The following RSU1 variants were observed in gnomAD, a reference collection of about 807,000 sequenced individuals.
RSU1 encodes the protein Ras suppressor protein 1.
A neutral mutation model predicts 31.1 loss-of-function variants in RSU1; 26 were observed. That is an observed-to-expected ratio of 0.84 (90% confidence interval 0.61 to 1.16). RSU1 has a LOEUF of 1.16. RSU1 is among the 50% of genes most tolerant of loss of function. RSU1 has a pLI of 0.00. For synonymous variants in RSU1, 164 were observed against 136.3 expected (o/e 1.20, Z -1.41); for missense variants, 320 against 339.1 (o/e 0.94, Z 0.44).
At chr10:16,750,248 T>G (rs1836948294) in intron 7 of RSU1, among the ~76,000 whole-genome samples, 1 of 152,222 alleles carries the variant, frequency 6.6e-6, no homozygotes, top group African/African-American at 2.4e-5. Context: ...ATCTTGAGTT[T>G]TGCTTGTGAC....
intron 2 of RSU1, among the ~76,000 whole-genome samples, chr10:16,814,666 T>C (rs1370765732): frequency 6.6e-6 from 1 of 152,074 alleles, no homozygotes; most frequent in Non-Finnish European, 1.5e-5. Context: ...CTTGGCTCAA[T>C]GCTACAGAAG....
chr10:16,658,845 C>A (rs563799867), intron 8 of RSU1, among the ~76,000 whole-genome samples: 8 of 152,280 alleles, frequency 5.3e-5, no homozygotes, highest in African/African-American at 1.9e-4. Context: ...TACATGTCTG[C>A]CTTGGTCTTT....
rs775061051 is a variant in RSU1, at chr10:16,752,635, C to G, written c.502G>C (p.Asp168His). 3 of 1,613,686 alleles carry G rather than the reference C, an allele frequency of 1.9e-6. No homozygotes were observed. Among genetic ancestry groups the G allele is most frequent in the Non-Finnish European group, 1.7e-6 (2 of 1,179,746 alleles). The part of the protein sequence containing the change: ...KLQILSLRDN[D>H]LISLPKEIGE... ...ATTTCCTTAGGCAGCGAGATCAGGT[C>G]GTTATCCCTAAGGCTGAGCTAAACA... Residue 168 changes from aspartate (D) to histidine (H), a missense_variant, in exon 7 of 9, where the codon GAC becomes CAC. By Grantham distance (81) the Asp-to-His change is moderately conservative. Transcript: ENST00000345264.
intron 7 of RSU1, among the ~76,000 whole-genome samples, chr10:16,737,836 CATAAAACTTTT>C (rs1445526585): frequency 2.0e-5 from 3 of 151,424 alleles, no homozygotes; most frequent in Non-Finnish European, 2.9e-5. Flanking sequence ...TGATGGGGCA[CATAAAACTTTT>C]AAGTGTGCAT....
intron 7 of RSU1, among the ~76,000 whole-genome samples, chr10:16,725,281 A>G (rs908825470): frequency 1.3e-5 from 2 of 152,232 alleles, no homozygotes; most frequent in Non-Finnish European, 2.9e-5. Context: ...TTAAGTGGGC[A>G]ACTCAAGTTA....
At position 16,776,386 on chromosome 10, in the gene RSU1, G is replaced by C. The variant is rs181028763; in HGVS notation, c.160+5648C>G. On this transcript the variant is annotated intron_variant, in intron 3 of 8. Coordinates refer to ENST00000345264, the MANE Select transcript of RSU1 (RefSeq NM_012425.4). ...TCTATGTACTTAGAATATTATCTTT[G>C]ATAAATAAATTATTGAAACCACCAA... 2.0e-5 allele frequency among the ~76,000 whole-genome samples: 3 copies of C among 151,092 alleles called. No individual in the cohort carries two copies. The East Asian group carries it at 6.4e-4, about 32-fold the overall frequency.
chr10:16,692,736 TA>T (rs1000537876), intron 8 of RSU1, among the ~76,000 whole-genome samples: 5 of 152,148 alleles, frequency 3.3e-5, no homozygotes, highest in South Asian at 2.1e-4. Flanking sequence ...CGTATTTTTT[TA>T]AAAAAAATTG....
intron 8 of RSU1, among the ~76,000 whole-genome samples, chr10:16,685,617 A>C (rs910916542): frequency 3.3e-5 from 5 of 152,174 alleles, no homozygotes; most frequent in African/African-American, 1.2e-4. Context: ...GGACGACCAG[A>C]GGTTACTCTC....
At chr10:16,770,809 G>C (rs1488160421) in intron 3 of RSU1, among the ~76,000 whole-genome samples, 1 of 152,256 alleles carries the variant, frequency 6.6e-6, no homozygotes, top group Non-Finnish European at 1.5e-5. Context: ...CTGCAATGGA[G>C]GCAACGCTAC....
intron 7 of RSU1, among the ~76,000 whole-genome samples, chr10:16,750,782 C>A (rs549920443): frequency 6.6e-6 from 1 of 151,974 alleles, no homozygotes; most frequent in African/African-American, 2.4e-5. Flanking sequence ...GGGGAGGGAG[C>A]AAGTTTTTGA....
At chr10:16,610,095 A>G (rs1281312456) in intron 8 of RSU1, among the ~76,000 whole-genome samples, 1 of 152,218 alleles carries the variant, frequency 6.6e-6, no homozygotes, top group Non-Finnish European at 1.5e-5. Context: ...TTCATGATCT[A>G]TGTTATCTGT....
rs56715139 is a variant in RSU1, at chr10:16,695,157, TG to T, written c.599-3del. The T allele has an allele frequency of 8.6e-3, 10,080 of 1,171,714 alleles. 4 individuals carry two copies. Among genetic ancestry groups the T allele is most frequent in the Middle Eastern group, 0.011 (51 of 4,534 alleles). 72.6% of individuals were successfully genotyped at this position (1,171,714 alleles called of 1,614,324 possible). On this transcript the variant is annotated splice_polypyrimidine_tract_variant and splice_region_variant and intron_variant, in intron 7 of 8. Transcript: ENST00000345264. ...TCTGGCCAGTTAAATCCAAGTTTCC[TG>T]GGGGGGGGGAAAAAAAAAGTGAAGG... is the stretch of plus-strand genomic sequence containing the variant.
chr10:16,630,649 T>C (rs771002387), intron 8 of RSU1, among the ~76,000 whole-genome samples: 2 of 152,370 alleles, frequency 1.3e-5, no homozygotes, highest in African/African-American at 4.8e-5. Flanking sequence ...GTTCACACCA[T>C]GACCCCACGC....
intron 8 of RSU1, among the ~76,000 whole-genome samples, chr10:16,621,416 A>T (rs560838975): frequency 2.0e-5 from 3 of 152,212 alleles, no homozygotes; most frequent in Non-Finnish European, 4.4e-5. Context: ...CTGAAATGTA[A>T]CATTTCCTTC....
At chr10:16,733,333 TAAAAAAAAAAAA>T (rs569239845) in intron 7 of RSU1, among the ~76,000 whole-genome samples, 3 of 79,642 alleles carry the variant, frequency 3.8e-5, no homozygotes, top group Non-Finnish European at 4.9e-5. Flanking sequence ...TCTACGACAA[TAAAAAAAAAAAA>T]AAAAAAAAAA....
intron 8 of RSU1, among the ~76,000 whole-genome samples, chr10:16,668,118 G>A (rs1266825274): frequency 6.6e-6 from 1 of 152,180 alleles, no homozygotes. Context: ...CCTTGAGCAA[G>A]TTACTTAATC....
chr10:16,785,847 C>G (rs1276492334), intron 2 of RSU1, among the ~76,000 whole-genome samples: 7 of 152,114 alleles, frequency 4.6e-5, no homozygotes, highest in Admixed American at 3.9e-4. Context: ...TTGTTTTCCC[C>G]TCTTGTAATT....
intron 2 of RSU1, among the ~76,000 whole-genome samples, chr10:16,805,113 A>G (rs980883000): frequency 6.6e-6 from 1 of 152,122 alleles, no homozygotes; most frequent in Non-Finnish European, 1.5e-5. Flanking sequence ...AGGCTGAGGC[A>G]GGAGCATCCC....
At chr10:16,755,538 G>A (rs1461092767) in intron 4 of RSU1, among the ~76,000 whole-genome samples, 1 of 151,864 alleles carries the variant, frequency 6.6e-6, no homozygotes, top group Non-Finnish European at 1.5e-5. Flanking sequence ...TCATGGAATG[G>A]TTTAAATCAT....
Sources: allele counts gnomAD v4.1 joint callset (sites outside exome capture counted in the v4.1 genomes callset), GRCh38; gene constraint gnomAD v4.1.1; transcripts MANE v1.5; gene names NCBI Gene and HGNC (gene_info 2026-07-23, HGNC 2026-07-21).